Variants in PCDHGB6 observed in about 807,000 individuals in gnomAD.
The protein encoded by PCDHGB6 is protocadherin gamma subfamily B, 6.
In PCDHGB6, 51 loss-of-function variants were observed where a neutral mutation model predicts 59.1. The observed-to-expected ratio is 0.86, with a 90% CI of 0.69 to 1.09. The LOEUF is 1.09. Among genes scored for constraint, PCDHGB6 ranks in the 50% least tolerant of loss-of-function variants. The pLI is 0.00. For synonymous variants in PCDHGB6, 466 were observed against 495.1 expected, an observed-to-expected ratio of 0.94 and a Z score of 0.78; for missense variants, 1,148 against 1,205.1, an observed-to-expected ratio of 0.95 and a Z score of 0.70.
rs779686795 is a variant in PCDHGB6 at position 141,476,566 on chromosome 5, G to C, written c.2419-18241G>C. The stretch of plus-strand genomic sequence containing the variant: ...TGGAGATTAGCGAGGCCGTGGCTCC[G>C]GGGACGCGCTTTCCGCTCGAGAGCG... On this transcript the variant is annotated intron_variant, in intron 1 of 3. Transcript: ENST00000520790. This position sits in a 1 kb window ranked among gnomAD's most constrained non-coding sequence, Gnocchi z 7.6. 1.2e-6 allele frequency: 2 copies of C among 1,614,180 alleles called. No homozygotes were observed. The highest frequency in any genetic ancestry group is 1.7e-5 in the Admixed American group (1 of 60,030).
At chr5:141,483,076 C>A (rs964178941) in intron 1 of PCDHGB6, among the ~76,000 whole-genome samples, 8 of 152,044 alleles carry the variant, frequency 5.3e-5, no homozygotes, top group Non-Finnish European at 8.8e-5. Context: ...CAGAGAGAGA[C>A]TCCATCTCAA....
chr5:141,431,473 C>T lies in PCDHGB6; in HGVS notation c.2418+20853C>T, dbSNP rs750300971. ...TGATGGTTCTGGATGCGAACGACAA[C>T]GCACCAGCGTTTGCTCAGCCCGAGT... On this transcript the variant is annotated intron_variant, in intron 1 of 3. Coordinates refer to ENST00000520790, the MANE Select transcript of PCDHGB6 (RefSeq NM_018926.3). This position sits in a 1 kb window ranked among gnomAD's most constrained non-coding sequence, Gnocchi z 4.8. 4.3e-6 allele frequency: 7 copies of T among 1,613,832 alleles called. No individual in the cohort carries two copies. The Admixed American group carries it at 1.2e-4, about 27-fold the overall frequency.
At chr5:141,417,753 C>T (rs889153718) in intron 1 of PCDHGB6, 3 of 1,431,672 alleles carry the variant, frequency 2.1e-6, no homozygotes, top group African/African-American at 2.9e-5. Flanking sequence ...ATTGCCAGCT[C>T]CGAGACCCGG....
intron 1 of PCDHGB6, among the ~76,000 whole-genome samples, chr5:141,469,172 A>C (rs1310781965): frequency 6.6e-6 from 1 of 152,050 alleles, no homozygotes; most frequent in Admixed American, 6.6e-5. Context: ...GCTACTTGGG[A>C]GGCTGAGGCA....
Position 141,511,066 on chromosome 5 carries a change from C to T in PCDHGB6, c.2686C>T (p.Pro896Ser). Residue 896 changes from proline to serine, a missense_variant, in exon 4 of 4, where the codon CCA (proline) becomes TCA (serine). Physicochemically the swap from Pro to Ser is moderately conservative, Grantham distance 74. This residue lies in a region of PCDHGB6 where 283 missense variants were observed against 318.6 expected (regional missense o/e 0.89). Transcript: ENST00000520790. The part of the protein sequence containing the change: ...VPDYRQNVYI[P>S]GSNATLTNAA... ...CGACTACCGCCAGAATGTCTACATC[C>T]CAGGCAGCAATGCCACACTGACCAA... 1.2e-6 allele frequency: 2 copies of T among 1,614,230 alleles called. No individual in the cohort carries two copies. Among genetic ancestry groups the T allele is most frequent in the Non-Finnish European group, 1.7e-6 (2 of 1,180,036 alleles).
intron 1 of PCDHGB6, chr5:141,440,534 C>A (rs562736984): frequency 1.3e-5 from 2 of 152,188 alleles, no homozygotes; most frequent in East Asian, 3.9e-4. Flanking sequence ...TCATGCACCA[C>A]GGTTCAGCAG....
At chr5:141,461,082 T>C (rs2099008648) in intron 1 of PCDHGB6, among the ~76,000 whole-genome samples, 1 of 152,070 alleles carries the variant, frequency 6.6e-6, no homozygotes, top group South Asian at 2.1e-4. Flanking sequence ...AATTGTGAAT[T>C]GTGCTGCTAT....
chr5:141,420,304 T>C, intron 1 of PCDHGB6: 1 of 1,462,822 alleles, frequency 6.8e-7, no homozygotes, highest in African/African-American at 1.4e-5. Context: ...TTTAATCCTT[T>C]TTATATTACA....
Position 141,413,166 on chromosome 5 carries a change from C to T in PCDHGB6, c.2418+2546C>T, listed in dbSNP as rs758193163. ...GTGAGGACTTTGCAGAATTCTGTAA[C>T]CAGACTACAATGGCCGCTCAAAGGA... On this transcript the variant is annotated intron_variant, in intron 1 of 3. Transcript: ENST00000520790. 5 of 1,590,278 alleles carry T rather than the reference C, an allele frequency of 3.1e-6. No individual in the cohort carries two copies. The East Asian group carries it at 1.1e-4, about 36-fold the overall frequency.
At chr5:141,413,562 T>C in intron 1 of PCDHGB6, 1 of 1,613,850 alleles carries the variant, frequency 6.2e-7, no homozygotes, top group Non-Finnish European at 8.5e-7. Context: ...AAGTAACTGA[T>C]ATCAATGACA....
Position 141,409,638 on chromosome 5 carries a change from C to A in PCDHGB6, c.1436C>A (p.Pro479Gln), listed in dbSNP as rs1040366842. Reference protein sequence around the residue: ...ASIAQVSASDPDLGLNGHISY... With the variant: ...ASIAQVSASDQDLGLNGHISY... ...ATTGCGCAAGTGAGCGCCTCTGACC[C>A]GGATTTGGGGCTCAATGGCCACATC... The change falls in exon 1 of 4, where the codon CCG becomes CAG. Residue 479 changes from proline (P) to glutamine (Q), a missense_variant. By Grantham distance (76) the Pro-to-Gln change is moderately conservative (BLOSUM62 -1). Coordinates refer to ENST00000520790, the MANE Select transcript of PCDHGB6 (RefSeq NM_018926.3). The A allele has an allele frequency of 6.2e-7, 1 of 1,613,648 alleles. No homozygotes were observed. The highest frequency in any genetic ancestry group is 1.7e-5 in the Admixed American group (1 of 60,006).
chr5:141,419,321 T>G, intron 1 of PCDHGB6: 1 of 1,613,950 alleles, frequency 6.2e-7, no homozygotes, highest in Non-Finnish European at 8.5e-7. Context: ...CGGCCGTGTC[T>G]CCTACTCTCT....
intron 1 of PCDHGB6, among the ~76,000 whole-genome samples, chr5:141,466,035 C>T (rs10054619): frequency 0.28 from 42,092 of 151,762 alleles, 6,545 homozygotes; most frequent in African/African-American, 0.42. Flanking sequence ...GGCAGGAGAA[C>T]GGCATGAACC....
In PCDHGB6 at chr5:141,500,527, A is replaced by C. The variant is rs937551961; in HGVS notation, c.2478-4866A>C. On this transcript the variant is annotated intron_variant, in intron 2 of 3. Transcript: ENST00000520790. ...CCTGGCCGAGCTTCATTTTAAAAAA[A>C]TCTCATTCACCTAAATAAGTTGTTC... is the stretch of plus-strand genomic sequence containing the variant. 5.9e-5 allele frequency among the ~76,000 whole-genome samples: 9 copies of C among 152,298 alleles called. No individual in the cohort carries two copies. The South Asian group carries it at 6.2e-4, about 11-fold the overall frequency.
chr5:141,503,260 C>A (rs2154593294), intron 2 of PCDHGB6, among the ~76,000 whole-genome samples: 1 of 152,178 alleles, frequency 6.6e-6, no homozygotes, highest in African/African-American at 2.4e-5. Flanking sequence ...ACAGCCACAA[C>A]CCCAGCACCT....
At chr5:141,480,828 TAAGATC>T (rs1054950452) in intron 1 of PCDHGB6, among the ~76,000 whole-genome samples, 22 of 152,260 alleles carry the variant, frequency 1.4e-4, no homozygotes, top group African/African-American at 5.1e-4. Context: ...GGGTGGATCA[TAAGATC>T]AGGAGTTTGA....
At chr5:141,423,395 C>G (rs1249200485) in intron 1 of PCDHGB6, 1 of 1,614,060 alleles carries the variant, frequency 6.2e-7, no homozygotes, top group Non-Finnish European at 8.5e-7. Context: ...TGGCATAAGT[C>G]ACGCCTGCTG....
At chr5:141,496,768 A>G (rs997951321) in intron 2 of PCDHGB6, among the ~76,000 whole-genome samples, 10 of 152,260 alleles carry the variant, frequency 6.6e-5, no homozygotes, top group African/African-American at 2.4e-4. Context: ...TCGAGCATCT[A>G]CTATGAGCAG....
intron 2 of PCDHGB6, among the ~76,000 whole-genome samples, chr5:141,497,984 C>G (rs2099780951): frequency 6.6e-6 from 1 of 152,194 alleles, no homozygotes; most frequent in South Asian, 2.1e-4. Flanking sequence ...TGGGAGGCCC[C>G]TGCCCTCAAG....
Sources: gnomAD v4.1 joint callset for allele counts (sites outside exome capture counted in the v4.1 genomes callset) on GRCh38, gnomAD v4.1.1 for gene constraint, gnomAD v4.1.1 regional missense constraint, Gnocchi (gnomAD v3.1) non-coding constraint, MANE v1.5 for transcripts, NCBI Gene and HGNC (gene_info 2026-07-23, HGNC 2026-07-21) for gene names.